Variants in TEK observed in about 807,000 individuals in gnomAD.
TEK encodes angiopoietin-1 receptor.
In TEK, 43 loss-of-function variants were observed where a neutral mutation model predicts 131.8. That is an observed-to-expected ratio of 0.33 (90% CI 0.26 to 0.42). The LOEUF is 0.42. Ranked by LOEUF, TEK falls within the 10% of genes least tolerant of loss-of-function variation. The pLI, the probability that TEK is intolerant of heterozygous loss-of-function variation, is 1.00. For missense variants in TEK, 1,162 were observed against 1,384.4 expected, an observed-to-expected ratio of 0.84 and a Z score of 2.55; for synonymous variants, 580 against 491.6, an observed-to-expected ratio of 1.18 and a Z score of -2.38.
At chr9:27,165,571 G>T (rs1044874551) in intron 2 of TEK, among the ~76,000 whole-genome samples, 3 of 152,182 alleles carry the variant, frequency 2.0e-5, no homozygotes, top group African/African-American at 7.2e-5. Context: ...ATATTAGAAG[G>T]ATACCGACCT....
chr9:27,192,068 G>C (rs1375303618), intron 10 of TEK: 1 of 405,908 alleles, frequency 2.5e-6, no homozygotes, highest in Non-Finnish European at 4.8e-6. Flanking sequence ...CAGTTTTCTG[G>C]TCATTTTGAG....
At chr9:27,216,717 C>T (rs1462737543) in intron 18 of TEK, among the ~76,000 whole-genome samples, 1 of 152,160 alleles carries the variant, frequency 6.6e-6, no homozygotes, top group Admixed American at 6.5e-5. Flanking sequence ...AGGAATCGTC[C>T]TTGGGATCTA....
intron 1 of TEK, among the ~76,000 whole-genome samples, chr9:27,111,219 C>G (rs7390781): frequency 0.98 from 149,089 of 152,220 alleles, 73,059 homozygotes; most frequent in East Asian, 1. Flanking sequence ...CTTTAAAAGG[C>G]AGAGGACCAA....
intron 6 of TEK, among the ~76,000 whole-genome samples, chr9:27,179,613 T>C (rs1177328969): frequency 6.6e-6 from 1 of 152,222 alleles, no homozygotes; most frequent in Non-Finnish European, 1.5e-5. Flanking sequence ...TTGGTAGGAT[T>C]CAAACCTCAA....
intron 1 of TEK, among the ~76,000 whole-genome samples, chr9:27,125,684 A>G (rs1205425216): frequency 1.3e-5 from 2 of 152,248 alleles, no homozygotes; most frequent in African/African-American, 4.8e-5. Flanking sequence ...TGAGGGTTAC[A>G]TGATTTGAAG....
intron 1 of TEK, among the ~76,000 whole-genome samples, chr9:27,133,252 T>C (rs1822289911): frequency 6.6e-6 from 1 of 152,192 alleles, no homozygotes; most frequent in South Asian, 2.1e-4. Context: ...ATATATACAA[T>C]ATTTGTTAAT....
intron 1 of TEK, among the ~76,000 whole-genome samples, chr9:27,111,119 A>G (rs759171192): frequency 1.3e-5 from 2 of 152,230 alleles, no homozygotes; most frequent in Non-Finnish European, 2.9e-5. Flanking sequence ...ACAGGCTTAG[A>G]AGAATTGTCA....
intron 8 of TEK, among the ~76,000 whole-genome samples, chr9:27,184,450 C>G (rs1329589987): frequency 2.6e-5 from 4 of 151,980 alleles, no homozygotes; most frequent in Non-Finnish European, 5.9e-5. Flanking sequence ...TCAGCTTGAC[C>G]AGAGGCAGGT....
intron 1 of TEK, among the ~76,000 whole-genome samples, chr9:27,146,720 A>ATTTTTTTTT (rs34727945): frequency 8.8e-6 from 1 of 113,694 alleles, no homozygotes. Context: ...TAAACATTCT[A>ATTTTTTTTT]TTTTTTTTTT....
chr9:27,135,432 G>A (rs1263208690), intron 1 of TEK, among the ~76,000 whole-genome samples: 2 of 151,862 alleles, frequency 1.3e-5, no homozygotes, highest in African/African-American at 4.8e-5. Flanking sequence ...AAAAAATCCT[G>A]TTTCTCTTCA....
At chr9:27,113,340 C>CT (rs1821419909) in intron 1 of TEK, among the ~76,000 whole-genome samples, 3 of 152,146 alleles carry the variant, frequency 2.0e-5, no homozygotes, top group African/African-American at 7.2e-5. Flanking sequence ...ACCTGTAATA[C>CT]AGCACTTTGG....
chr9:27,192,222 TGAAAA>T (rs1483477024), intron 10 of TEK, among the ~76,000 whole-genome samples: 1 of 152,096 alleles, frequency 6.6e-6, no homozygotes, highest in African/African-American at 2.4e-5. Context: ...ATTCTACAAA[TGAAAA>T]GACAAAAGCA....
At chr9:27,220,447 C>CCTTGGGGATAAAGATTT (rs1415405074) in intron 21 of TEK, among the ~76,000 whole-genome samples, 2 of 151,158 alleles carry the variant, frequency 1.3e-5, no homozygotes, top group African/African-American at 4.9e-5. Context: ...ACAACACTAT[C>CCTTGGGGATAAAGATTT]CTTGGGGATA....
At chr9:27,136,505 A>G (rs143884217) in intron 1 of TEK, among the ~76,000 whole-genome samples, 1 of 152,272 alleles carries the variant, frequency 6.6e-6, no homozygotes, top group Non-Finnish European at 1.5e-5. Flanking sequence ...TCAGCCTTCT[A>G]CCTCAACTAA....
At chr9:27,184,694 C>T (rs752832861) in intron 8 of TEK, among the ~76,000 whole-genome samples, 7 of 151,446 alleles carry the variant, frequency 4.6e-5, no homozygotes, top group Admixed American at 6.6e-5. Context: ...TTTTTTTTGG[C>T]GGAAGTGGGA....
intron 1 of TEK, among the ~76,000 whole-genome samples, chr9:27,112,545 C>G (rs891615051): frequency 1.1e-4 from 16 of 152,144 alleles, no homozygotes; most frequent in South Asian, 2.1e-4. Context: ...AGGCGTCTCT[C>G]CAGGAGGGAA....
chr9:27,228,659 C>G (rs1826433518), intron 22 of TEK, among the ~76,000 whole-genome samples: 1 of 152,086 alleles, frequency 6.6e-6, no homozygotes. Context: ...GACAACAGAG[C>G]CTGACCTGCA....
intron 13 of TEK, among the ~76,000 whole-genome samples, chr9:27,203,472 C>T (rs1008151244): frequency 6.7e-6 from 1 of 149,968 alleles, no homozygotes; most frequent in Non-Finnish European, 1.5e-5. Context: ...GAACCATGCT[C>T]CATTCTTCCT....
At chr9:27,207,452 T>C (rs893044306) in intron 15 of TEK, among the ~76,000 whole-genome samples, 5 of 152,202 alleles carry the variant, frequency 3.3e-5, no homozygotes, top group Admixed American at 3.3e-4. Flanking sequence ...TGACTTAAGG[T>C]CATAAGAACT....
Sources: gnomAD v4.1 joint callset for allele counts (sites outside exome capture counted in the v4.1 genomes callset) on GRCh38, gnomAD v4.1.1 for gene constraint, MANE v1.5 for transcripts, NCBI Gene and HGNC (gene_info 2026-07-23, HGNC 2026-07-21) for gene names.